ATP6V0E2: variants seen among roughly 807,000 people sequenced by gnomAD.
ATP6V0E2 encodes V-type proton ATPase subunit e 2.
ATP6V0E2 carries 4 observed loss-of-function variants against 11.5 expected under a neutral mutation model. The ratio of observed to expected loss-of-function variants is 0.35; its 90% CI spans 0.17 to 0.80. The LOEUF (loss-of-function observed/expected upper bound fraction) is 0.80, where lower values mean the gene tolerates loss of function less well. Among genes scored for constraint, ATP6V0E2 ranks in the 30% least tolerant of loss-of-function variants. The pLI is 0.53. For missense variants in ATP6V0E2, 93 were observed against 113.5 expected, an observed-to-expected ratio of 0.82 and a Z score of 0.82; for synonymous variants, 52 against 51.0, an observed-to-expected ratio of 1.02 and a Z score of -0.09.
chr7:149,879,103 T>A, intron 3 of ATP6V0E2: 1 of 1,393,760 alleles, frequency 7.2e-7, no homozygotes, highest in Non-Finnish European at 9.3e-7. Context: ...GCCTGGCCTG[T>A]GTTGGCCGCC....
In ATP6V0E2 at chr7:149,879,507, C is replaced by T. The variant is rs200322832; in HGVS notation, c.*192C>T. 5.5e-5 allele frequency: 87 copies of T among 1,590,018 alleles called. No homozygotes were observed. In the Admixed American group the frequency reaches 1.0e-3, roughly 19 times the overall value. On this transcript the variant is annotated 3_prime_UTR_variant, in exon 4 of 4. Coordinates refer to ENST00000425642, the MANE Select transcript of ATP6V0E2 (RefSeq NM_145230.4). ...GTCTTCCCAGTCTTCCCAGCCAGCCCGGGCCCTGGGGAGCCCTGGGCACAG... is the reference window on the plus strand; with the variant it reads ...GTCTTCCCAGTCTTCCCAGCCAGCCTGGGCCCTGGGGAGCCCTGGGCACAG...
intron 2 of ATP6V0E2, 187 bp downstream of exon 2, chr7:149,875,832 C>T: frequency 1.5e-6 from 1 of 685,564 alleles, no homozygotes; most frequent in Non-Finnish European, 2.6e-6. Context: ...AGTCATGAAC[C>T]CTGGGCTCTG....
At chr7:149,879,223 A>G (rs911826660) in intron 3 of ATP6V0E2, 112 bp from the exon 4 acceptor site, 51 of 1,395,652 alleles carry the variant, frequency 3.7e-5, no homozygotes, top group Non-Finnish European at 4.5e-5. Flanking sequence ...AGGGAGGGAA[A>G]GGGTAAGCTG....
Position 149,879,539 on chromosome 7 carries a change from C to T in ATP6V0E2, c.*224C>T. ...TGGGGAGCCCTGGGCACAGCAGCGG[C>T]CGAGGGGATGTCCTGCTCCAATACC... On this transcript the variant is annotated 3_prime_UTR_variant, in exon 4 of 4. Transcript: ENST00000425642. The T allele has an allele frequency of 6.4e-7, 1 of 1,561,352 alleles. No individual in the cohort carries two copies. The highest frequency in any genetic ancestry group is 8.7e-7 in the Non-Finnish European group (1 of 1,154,318).
chr7:149,879,110 C>T lies in ATP6V0E2; in HGVS notation c.*20-225C>T, dbSNP rs540696615. ...CCCTTCCTGCCTGGCCTGTGTTGGC[C>T]GCCAGGGATGAAATGGGAACCATGC... On this transcript the variant is annotated intron_variant, in intron 3 of 3. Coordinates refer to ENST00000425642, the MANE Select transcript of ATP6V0E2 (RefSeq NM_145230.4). 479 of 1,396,328 alleles carry T rather than the reference C, an allele frequency of 3.4e-4. 7 individuals carry two copies. In the South Asian group the frequency reaches 4.6e-3, roughly 14 times the overall value. 86.5% of individuals were successfully genotyped at this position (1,396,328 alleles called of 1,614,324 possible).
chr7:149,878,244 C>T (rs747042470), intron 2 of ATP6V0E2, among the ~76,000 whole-genome samples: 2 of 152,212 alleles, frequency 1.3e-5, no homozygotes, highest in Non-Finnish European at 2.9e-5. Flanking sequence ...CAGCTCCTCA[C>T]GTCTTGGGGT....
intron 1 of ATP6V0E2, 124 bp from the exon 2 acceptor site, chr7:149,875,474 C>G: frequency 5.5e-6 from 5 of 902,090 alleles, no homozygotes; most frequent in East Asian, 4.8e-5. Flanking sequence ...CTCCTGTGTC[C>G]AGGAGGCATC....
intron 3 of ATP6V0E2, 43 bp downstream of exon 3, chr7:149,878,833 A>C: frequency 3.0e-6 from 3 of 1,004,798 alleles, no homozygotes; most frequent in South Asian, 1.4e-5. Flanking sequence ...GAGGGGAAAG[A>C]CAAGGCTTTC....
chr7:149,879,154 C>G (rs962798188), intron 3 of ATP6V0E2, 181 bp from the exon 4 acceptor site: 3 of 1,400,010 alleles, frequency 2.1e-6, no homozygotes, highest in Non-Finnish European at 2.8e-6. Context: ...CCCCCCTCCC[C>G]CATCCTCACA....
chr7:149,879,368 G>C lies in ATP6V0E2; in HGVS notation c.*53G>C, dbSNP rs1392733085. ...CTCTCGGAATGACTGTGGCTCCACTGTCCCTGACAACCCCTTCGTCCGGAC... is the reference window on the plus strand; with the variant it reads ...CTCTCGGAATGACTGTGGCTCCACTCTCCCTGACAACCCCTTCGTCCGGAC... On this transcript the variant is annotated 3_prime_UTR_variant, in exon 4 of 4. Transcript: ENST00000425642. 6.3e-7 allele frequency: 1 copy of C among 1,575,726 alleles called. No homozygotes were observed. The highest frequency in any genetic ancestry group is 8.6e-7 in the Non-Finnish European group (1 of 1,160,188).
Position 149,875,578 on chromosome 7 carries a change from C to T in ATP6V0E2, c.105-20C>T, listed in dbSNP as rs763806854. On this transcript the variant is annotated intron_variant, in intron 1 of 3. Coordinates refer to ENST00000425642, the MANE Select transcript of ATP6V0E2 (RefSeq NM_145230.4). The stretch of plus-strand genomic sequence containing the variant: ...GGTGCTGGCTGCATTTGTTCTGACC[C>T]GTGTCCTCTTCTGCTGCAGAGTGAT... The T allele has an allele frequency of 7.7e-5, 125 of 1,613,548 alleles. No homozygotes were observed. The highest frequency in any genetic ancestry group is 9.7e-5 in the Non-Finnish European group (114 of 1,179,818).
upstream of ATP6V0E2, chr7:149,873,904 GGGCT>G (rs751723090): frequency 2.7e-5 from 41 of 1,503,576 alleles, no homozygotes; most frequent in Non-Finnish European, 3.5e-5. Context: ...ACAGCGCGGC[GGGCT>G]GGATCAGGAG....
chr7:149,877,712 G>T (rs1167378165), intron 2 of ATP6V0E2, among the ~76,000 whole-genome samples: 4 of 152,118 alleles, frequency 2.6e-5, no homozygotes, highest in Non-Finnish European at 4.4e-5. Flanking sequence ...GTGGCTGGGA[G>T]GGTGGGGGAG....
intron 2 of ATP6V0E2, among the ~76,000 whole-genome samples, chr7:149,878,460 C>T (rs757655730): frequency 6.6e-6 from 1 of 152,184 alleles, no homozygotes; most frequent in Non-Finnish European, 1.5e-5. Context: ...GCAGATCTAC[C>T]GAACATCAAA....
At chr7:149,876,538 C>T (rs1803153464) in intron 2 of ATP6V0E2, among the ~76,000 whole-genome samples, 1 of 152,200 alleles carries the variant, frequency 6.6e-6, no homozygotes, top group South Asian at 2.1e-4. Context: ...AACTGCCATT[C>T]ACAATAGCCA....
At position 149,874,018 on chromosome 7, in the gene ATP6V0E2, C is replaced by A. The variant is rs1802978040; in HGVS notation, c.-48C>A. 6.5e-7 allele frequency: 1 copy of A among 1,547,576 alleles called. No individual in the cohort carries two copies. The highest frequency in any genetic ancestry group is 8.7e-7 in the Non-Finnish European group (1 of 1,146,020). On this transcript the variant is annotated 5_prime_UTR_variant, in exon 1 of 4. Coordinates refer to ENST00000425642, the MANE Select transcript of ATP6V0E2 (RefSeq NM_145230.4). ...CGGCTGGGGACCCGCGCACCTGCAG[C>A]GCCCGCTGCTCGGCCCTGCATCCTG...
intron 1 of ATP6V0E2, chr7:149,875,111 C>G (rs770478285): frequency 6.1e-6 from 1 of 164,818 alleles, no homozygotes; most frequent in African/African-American, 2.4e-5. Context: ...TCTGAGTACA[C>G]GCAAAGTGGC....
In ATP6V0E2 at chr7:149,878,668, T is replaced by C; in HGVS notation, c.153-10T>C. 6.2e-7 allele frequency: 1 copy of C among 1,609,064 alleles called. No individual in the cohort carries two copies. The highest frequency in any genetic ancestry group is 8.5e-7 in the Non-Finnish European group (1 of 1,179,062). ...GTGCCAGGCTCACCATGCTTTGCTG[T>C]CCCTGGCAGCTGGCTCATCGCCATC... On this transcript the variant is annotated splice_polypyrimidine_tract_variant and intron_variant, in intron 2 of 3. Coordinates refer to ENST00000425642, the MANE Select transcript of ATP6V0E2 (RefSeq NM_145230.4).
intron 3 of ATP6V0E2, chr7:149,879,025 G>T: frequency 7.7e-7 from 1 of 1,300,590 alleles, no homozygotes; most frequent in South Asian, 1.7e-5. Flanking sequence ...TTCTTGTTGG[G>T]ATTCAGGCAT....
Sources: gnomAD v4.1 joint callset for allele counts (sites outside exome capture counted in the v4.1 genomes callset) on GRCh38, gnomAD v4.1.1 for gene constraint, MANE v1.5 for transcripts, NCBI Gene and HGNC (gene_info 2026-07-23, HGNC 2026-07-21) for gene names.